DNAH11: variants seen among roughly 807,000 people sequenced by gnomAD.
DNAH11 encodes axonemal beta dynein heavy chain 11.
In DNAH11, 442 loss-of-function variants were observed where a neutral mutation model predicts 526.0. That is an observed-to-expected ratio of 0.84 (90% confidence interval 0.78 to 0.91). The LOEUF (loss-of-function observed/expected upper bound fraction) is 0.91, where lower values mean the gene tolerates loss of function less well. Among genes scored for constraint, DNAH11 ranks in the 40% least tolerant of loss-of-function variants. The probability of loss-of-function intolerance (pLI) is 0.00; values close to 1 mark genes in which losing one functional copy is unlikely to be tolerated. For synonymous variants in DNAH11, 2,461 were observed against 1,935.9 expected (o/e 1.27, Z -7.12); for missense variants, 6,989 against 5,448.7 (o/e 1.28, Z -8.90).
chr7:21,578,387 C>T (rs2040110698), intron 8 of DNAH11, among the ~76,000 whole-genome samples: 1 of 152,258 alleles, frequency 6.6e-6, no homozygotes, highest in Non-Finnish European at 1.5e-5. Context: ...CTCTATGTCT[C>T]ACATCTAGGA....
At chr7:21,879,940 C>T (rs1175670230) in intron 74 of DNAH11, among the ~76,000 whole-genome samples, 1 of 151,964 alleles carries the variant, frequency 6.6e-6, no homozygotes, top group Non-Finnish European at 1.5e-5. Flanking sequence ...CAAAAATTAG[C>T]TGGGTGTGGT....
At chr7:21,712,343 G>A (rs999627811) in intron 42 of DNAH11, among the ~76,000 whole-genome samples, 1 of 152,042 alleles carries the variant, frequency 6.6e-6, no homozygotes, top group African/African-American at 2.4e-5. Flanking sequence ...TGTAAACATG[G>A]GTATACAAAT....
At chr7:21,718,071 C>T (rs965751031) in intron 43 of DNAH11, 146 bp downstream of exon 43, 10 of 1,111,660 alleles carry the variant, frequency 9.0e-6, no homozygotes, top group South Asian at 3.8e-5. Flanking sequence ...CCCCCGCCCC[C>T]GTCCCCCATG....
chr7:21,640,667 G>A (rs1020312453), intron 28 of DNAH11, among the ~76,000 whole-genome samples: 1 of 152,036 alleles, frequency 6.6e-6, no homozygotes, highest in African/African-American at 2.4e-5. Flanking sequence ...CCAGGTAGCA[G>A]ACCCCTTAAT....
chr7:21,805,096 T>G (rs1789202081), intron 62 of DNAH11, among the ~76,000 whole-genome samples: 1 of 152,158 alleles, frequency 6.6e-6, no homozygotes, highest in African/African-American at 2.4e-5. Flanking sequence ...AAAGTTCTCA[T>G]TATCAGTTGG....
intron 61 of DNAH11, among the ~76,000 whole-genome samples, chr7:21,794,012 A>G (rs1312947878): frequency 6.6e-6 from 1 of 152,118 alleles, no homozygotes; most frequent in Non-Finnish European, 1.5e-5. Flanking sequence ...GAAATTACTG[A>G]TTCTTTCTTC....
intron 32 of DNAH11, among the ~76,000 whole-genome samples, chr7:21,685,912 C>G (rs190944116): frequency 1.3e-4 from 20 of 152,190 alleles, no homozygotes; most frequent in Non-Finnish European, 2.2e-4. Context: ...AGTTTGGTCA[C>G]TTGGCAACTC....
rs913876193 is a variant in DNAH11 at position 21,901,210 on chromosome 7, G to A, written c.13507G>A (p.Ala4503Thr). The A allele has an allele frequency of 1.2e-6, 2 of 1,613,364 alleles. No individual in the cohort carries two copies. The highest frequency in any genetic ancestry group is 3.3e-5 in the Admixed American group (2 of 60,012). ...TFRLKSEEKT[A>T]KWVLAGVALL... is the part of the protein sequence containing the mutation. ...CAGGCTGAAGAGCGAAGAGAAGACT[G>A]CAAAATGGGTTCTGGCTGGAGTGGC... The change falls in exon 82 of 82, where the codon GCA (alanine) becomes ACA (threonine). Residue 4503 changes from alanine (A) to threonine (T), a missense_variant. Transcript: ENST00000409508.
At chr7:21,721,552 G>T (rs1028434288) in intron 44 of DNAH11, among the ~76,000 whole-genome samples, 4 of 152,160 alleles carry the variant, frequency 2.6e-5, no homozygotes, top group Non-Finnish European at 4.4e-5. Flanking sequence ...TTCCAGCAAG[G>T]ACTCTCTTCC....
Position 21,899,352 on chromosome 7 carries a change from C to A in DNAH11, c.13066C>A (p.Leu4356Met). Residue 4356 changes from leucine (L) to methionine (M), a missense_variant, in exon 80 of 82, where the codon CTG (leucine) becomes ATG (methionine). Leu to Met is a conservative substitution (Grantham distance 15, BLOSUM62 2). Transcript: ENST00000409508. The stretch of plus-strand genomic sequence containing the variant: ...ATAAACCAGGTTCAATGACCTCCTC[C>A]TGCGATGCCGAGAACTCGATACTTG... ...GLAQWFNDLL[L>M]RCRELDTWTQ... The A allele has an allele frequency of 2.5e-6, 4 of 1,613,992 alleles. No homozygotes were observed. The highest frequency in any genetic ancestry group is 3.4e-6 in the Non-Finnish European group (4 of 1,179,878).
Position 21,699,046 on chromosome 7 carries a change from T to C in DNAH11, c.6180+833T>C, listed in dbSNP as rs1783960391. Among the ~76,000 whole-genome samples, 5 of 152,190 alleles carry C rather than the reference T, an allele frequency of 3.3e-5. No homozygotes were observed. The South Asian group carries it at 1.0e-3, about 31-fold the overall frequency. On this transcript the variant is annotated intron_variant, in intron 36 of 81. Transcript: ENST00000409508. Reference sequence around the variant, plus strand: ...CGAGCTGTGTGATTTTCTTTGTCAATTTTGTAATCATAAATGGAATTTTAT... The same window carrying C: ...CGAGCTGTGTGATTTTCTTTGTCAACTTTGTAATCATAAATGGAATTTTAT...
In DNAH11 at chr7:21,616,161, G is replaced by C; in HGVS notation, c.4012-48G>C. 4 of 1,439,850 alleles carry C rather than the reference G, an allele frequency of 2.8e-6. No individual in the cohort carries two copies. The South Asian group carries it at 3.5e-5, about 13-fold the overall frequency. 89.2% of individuals were successfully genotyped at this position (1,439,850 alleles called of 1,614,324 possible). On this transcript the variant is annotated intron_variant, in intron 21 of 81. Coordinates refer to ENST00000409508, the MANE Select transcript of DNAH11 (RefSeq NM_001277115.2). ...TTTATATATTTTGCTGCAGAGACTT[G>C]CTTTCACCAAATGTTGTTGACACTT...
intron 2 of DNAH11, among the ~76,000 whole-genome samples, chr7:21,549,165 C>T (rs1782921104): frequency 6.6e-6 from 1 of 152,176 alleles, no homozygotes; most frequent in African/African-American, 2.4e-5. Flanking sequence ...AGGCATGAGC[C>T]ACCGTACCTG....
intron 79 of DNAH11, among the ~76,000 whole-genome samples, chr7:21,898,898 T>G (rs190050974): frequency 6.6e-6 from 1 of 152,310 alleles, no homozygotes; most frequent in Admixed American, 6.5e-5. Flanking sequence ...TTCCCTCTGC[T>G]TATCAATCAG....
intron 63 of DNAH11, among the ~76,000 whole-genome samples, chr7:21,813,498 T>C (rs1384096926): frequency 1.3e-5 from 2 of 152,198 alleles, no homozygotes. Context: ...CATGAGTTGT[T>C]ACGTTACTGT....
At chr7:21,792,910 A>T (rs1447322869) in intron 61 of DNAH11, among the ~76,000 whole-genome samples, 1 of 151,912 alleles carries the variant, frequency 6.6e-6, no homozygotes. Context: ...TCCTTCTAAA[A>T]ATTTTGGGTT....
At chr7:21,849,359 T>C (rs1243344491) in intron 66 of DNAH11, among the ~76,000 whole-genome samples, 1 of 152,248 alleles carries the variant, frequency 6.6e-6, no homozygotes, top group Non-Finnish European at 1.5e-5. Context: ...AACAGACAGC[T>C]CAATTAATAA....
At position 21,559,735 on chromosome 7, in the gene DNAH11, A is replaced by G. The variant is rs371923630; in HGVS notation, c.825A>G (p.Gln275=). 20 of 1,608,964 alleles carry G rather than the reference A, an allele frequency of 1.2e-5. No homozygotes were observed. Among genetic ancestry groups the G allele is most frequent in the Non-Finnish European group, 1.6e-5 (19 of 1,177,476 alleles). ...RLLNGLHLSP[Q]AELDFWMMRR... ...TGAATGGTCTTCACTTGTCTCCTCA[A>G]GCAGAACTAGATTTCTGGATGATGA... The change falls in exon 4 of 82, where the codon CAA becomes CAG. Residue 275 remains glutamine (Q), a synonymous_variant. Coordinates refer to ENST00000409508, the MANE Select transcript of DNAH11 (RefSeq NM_001277115.2).
intron 63 of DNAH11, among the ~76,000 whole-genome samples, chr7:21,814,213 G>C (rs1789665117): frequency 6.6e-6 from 1 of 152,136 alleles, no homozygotes; most frequent in Admixed American, 6.5e-5. Context: ...ATCGCGAATG[G>C]AGCATGCAGA....
Sources: allele counts gnomAD v4.1 joint callset (sites outside exome capture counted in the v4.1 genomes callset), GRCh38; gene constraint gnomAD v4.1.1; transcripts MANE v1.5; gene names NCBI Gene and HGNC (gene_info 2026-07-23, HGNC 2026-07-21).